Variants in OGA observed in about 807,000 individuals in gnomAD.
The protein encoded by OGA is protein O-GlcNAcase.
A neutral mutation model predicts 102.0 loss-of-function variants in OGA; 21 were observed. That is an observed-to-expected ratio of 0.21 (90% CI 0.15 to 0.30). The LOEUF (loss-of-function observed/expected upper bound fraction) is 0.30, where lower values mean the gene tolerates loss of function less well. OGA is among the 10% of genes least tolerant of loss of function. The pLI is 1.00. For missense variants in OGA, 765 were observed against 1,107.8 expected (o/e 0.69, Z 4.39); for synonymous variants, 408 against 378.2 (o/e 1.08, Z -0.91).
chr10:101,795,996 G>T, intron 10 of OGA: 1 of 592,742 alleles, frequency 1.7e-6, no homozygotes, highest in Non-Finnish European at 2.1e-6. Context: ...AAACAATACT[G>T]TGTATCATTA....
chr10:101,813,173 T>C (rs371522047), intron 2 of OGA, 46 bp from the exon 3 acceptor site: 3 of 1,236,496 alleles, frequency 2.4e-6, no homozygotes, highest in African/African-American at 3.0e-5. Flanking sequence ...GCAACATTCA[T>C]AGGCTGTCAA....
chr10:101,816,230 T>C (rs1303800136), intron 1 of OGA, among the ~76,000 whole-genome samples: 1 of 152,066 alleles, frequency 6.6e-6, no homozygotes, highest in African/African-American at 2.4e-5. Context: ...GCCACTGCAC[T>C]CCAGCCTGGG....
chr10:101,800,315 A>AT lies in OGA; in HGVS notation c.1121dup (p.Tyr374Ter). The AT allele has an allele frequency of 6.2e-7, 1 of 1,613,620 alleles. No individual in the cohort carries two copies. The highest frequency in any genetic ancestry group is 8.5e-7 in the Non-Finnish European group (1 of 1,179,476). Reference protein sequence around the residue: ...SDEDIETDVLYSPQMALKLAL... With the variant: ...SDEDIETDVL ...CTAGCTTTAGAGCCATCTGTGGACTATAGAGTACATCAGTTTCAATATCTT... is the reference window on the plus strand; with the variant it reads ...CTAGCTTTAGAGCCATCTGTGGACTATTAGAGTACATCAGTTTCAATATCTT... Residue 374 changes from tyrosine to a stop codon, truncating the protein, a stop_gained and frameshift_variant, in exon 8 of 16, where the codon TAT becomes TAAT. Coordinates refer to ENST00000361464, the MANE Select transcript of OGA (RefSeq NM_012215.5). LOFTEE classifies it high-confidence loss of function.
At position 101,810,265 on chromosome 10, in the gene OGA, G is replaced by T; in HGVS notation, c.399C>A (p.Phe133Leu). ...CCAATCCAGGTGAGATCGCATAGAT[G>T]AACTCTATCTCATATTCTCGTGCAG... is the stretch of plus-strand genomic sequence containing the variant. ...ISAAREYEIE[F>L]IYAISPGLDI... The change falls in exon 4 of 16, where the codon TTC (phenylalanine) becomes TTA (leucine). Residue 133 changes from phenylalanine (F) to leucine (L), a missense_variant. Physicochemically the swap from Phe to Leu is conservative, Grantham distance 22. Coordinates refer to ENST00000361464, the MANE Select transcript of OGA (RefSeq NM_012215.5). 1.2e-6 allele frequency: 2 copies of T among 1,611,470 alleles called. No homozygotes were observed. Among genetic ancestry groups the T allele is most frequent in the South Asian group, 1.1e-5 (1 of 90,992 alleles).
In OGA at chr10:101,809,203, G is replaced by A. The variant is rs1403791981; in HGVS notation, c.480+981C>T. Among the ~76,000 whole-genome samples the A allele has an allele frequency of 5.3e-5, 8 of 152,162 alleles. No individual in the cohort carries two copies. The South Asian group carries it at 1.0e-3, about 20-fold the overall frequency. On this transcript the variant is annotated intron_variant, in intron 4 of 15. Transcript: ENST00000361464. ...GTAAATTCAAGCCAAGCAGCCTAGG[G>A]TATATATAATTTCTCAAAATGTGGT... is the stretch of plus-strand genomic sequence containing the variant.
At chr10:101,814,300 C>A (rs762255170) in intron 1 of OGA, among the ~76,000 whole-genome samples, 1 of 152,068 alleles carries the variant, frequency 6.6e-6, no homozygotes, top group Non-Finnish European at 1.5e-5. Flanking sequence ...TGCACTACAG[C>A]CTGGGCTACA....
chr10:101,807,300 A>C (rs75823291), intron 5 of OGA, among the ~76,000 whole-genome samples: 8,764 of 152,286 alleles, frequency 0.058, 269 homozygotes, highest in African/African-American at 0.068. Context: ...AAAACTGTTA[A>C]GCTTTCTATG....
chr10:101,799,420 C>A lies in OGA; in HGVS notation c.1231G>T (p.Val411Leu), dbSNP rs764805316. The A allele has an allele frequency of 1.1e-5, 18 of 1,613,854 alleles. No individual in the cohort carries two copies. Among genetic ancestry groups the A allele is most frequent in the Non-Finnish European group, 1.4e-5 (17 of 1,179,896 alleles). The change falls in exon 9 of 16, where the codon GTA becomes TTA. Residue 411 changes from valine to leucine, a missense_variant. Val to Leu is a conservative substitution (Grantham distance 32, BLOSUM62 1). Coordinates refer to ENST00000361464, the MANE Select transcript of OGA (RefSeq NM_012215.5). ...GCAACTAAAGGAGTCCCATCAACTA[C>A]ACTTGCTTTAGCTCCACTGTGTGCA... Reference protein sequence around the residue: ...QVAHSGAKASVVDGTPLVAAP... With the variant: ...QVAHSGAKASLVDGTPLVAAP...
rs967752537 is a variant in OGA at position 101,785,079 on chromosome 10, C to T, written c.*1372G>A. 18 of 152,192 alleles carry T rather than the reference C, an allele frequency of 1.2e-4. No homozygotes were observed. The highest frequency in any genetic ancestry group is 4.3e-4 in the African/African-American group (18 of 41,438). 9.4% of individuals were successfully genotyped at this position (152,192 alleles called of 1,614,324 possible). A position where few individuals can be genotyped will look rare whatever the true frequency, so the allele number is the denominator to read the frequency against. On this transcript the variant is annotated 3_prime_UTR_variant, in exon 16 of 16. Coordinates refer to ENST00000361464, the MANE Select transcript of OGA (RefSeq NM_012215.5). ...TTCTTTCTCTTTACCCCTCTCCCCT[C>T]ACTCAGCTCAAAGTTAAACAGCTGA...
At chr10:101,813,259 T>C in intron 2 of OGA, 132 bp from the exon 3 acceptor site, 1 of 664,754 alleles carries the variant, frequency 1.5e-6, no homozygotes. Context: ...TTTAACCTTT[T>C]TGTAATCAGT....
chr10:101,784,541 G>T lies in OGA; in HGVS notation c.*1910C>A, dbSNP rs1349774093. 7.9e-5 allele frequency: 12 copies of T among 152,620 alleles called. No homozygotes were observed. Among genetic ancestry groups the T allele is most frequent in the Non-Finnish European group, 1.2e-4 (8 of 68,046 alleles). 9.5% of individuals were successfully genotyped at this position (152,620 alleles called of 1,614,324 possible). On this transcript the variant is annotated 3_prime_UTR_variant, in exon 16 of 16. Coordinates refer to ENST00000361464, the MANE Select transcript of OGA (RefSeq NM_012215.5). ...TCTGATCCAAACAATCAATAAAAAT[G>T]TAATTCCAACCTTAATATTCATAAC...
chr10:101,793,306 G>A, intron 11 of OGA, among the ~76,000 whole-genome samples: 1 of 152,192 alleles, frequency 6.6e-6, no homozygotes, highest in Non-Finnish European at 1.5e-5. Context: ...CAGAATGTCA[G>A]GAGGAGAGGT....
chr10:101,806,253 AGTG>A, intron 5 of OGA, 110 bp from the exon 6 acceptor site: 1 of 634,468 alleles, frequency 1.6e-6, no homozygotes, highest in Non-Finnish European at 2.8e-6. Flanking sequence ...CCCAGGCTAG[AGTG>A]CAGTGGCACG....
In OGA at chr10:101,818,370, C is replaced by T; in HGVS notation, c.-348G>A. ...TGCTGCCCTCCCGATAATCTTAGGT[C>T]TTCCGCTGTTTCCCCTCCAAGCCCC... is the stretch of plus-strand genomic sequence containing the variant. On this transcript the variant is annotated 5_prime_UTR_variant, in exon 1 of 16. Transcript: ENST00000361464. The T allele has an allele frequency of 9.4e-7, 1 of 1,062,266 alleles. No individual in the cohort carries two copies. The highest frequency in any genetic ancestry group is 1.1e-6 in the Non-Finnish European group (1 of 878,162). 65.8% of individuals were successfully genotyped at this position (1,062,266 alleles called of 1,614,324 possible).
chr10:101,793,008 T>C, intron 11 of OGA, 65 bp from the exon 12 acceptor site: 1 of 1,277,972 alleles, frequency 7.8e-7, no homozygotes. Context: ...TAAATGGGTG[T>C]GCACTGCAGA....
At chr10:101,812,195 A>C (rs2065567082) in intron 3 of OGA, among the ~76,000 whole-genome samples, 1 of 152,214 alleles carries the variant, frequency 6.6e-6, no homozygotes, top group Non-Finnish European at 1.5e-5. Flanking sequence ...TGGCGGTTCA[A>C]TGCTATACTA....
rs193135084 is a variant in OGA, at chr10:101,792,230, G to A, written c.2175+609C>T. Reference sequence around the variant, plus strand: ...AGAGACAAGGTTTCACCATGGTCTCGATCTCCTGACCTCGTGATCCGCCTG... The same window carrying A: ...AGAGACAAGGTTTCACCATGGTCTCAATCTCCTGACCTCGTGATCCGCCTG... On this transcript the variant is annotated intron_variant, in intron 12 of 15. Transcript: ENST00000361464. Among the ~76,000 whole-genome samples, 587 of 151,774 alleles carry A rather than the reference G, an allele frequency of 3.9e-3. 2 individuals are homozygous for A. Among genetic ancestry groups the A allele is most frequent in the Non-Finnish European group, 6.6e-3 (446 of 67,898 alleles).
At chr10:101,812,993 C>T in intron 3 of OGA, 37 bp downstream of exon 3, 1 of 1,428,570 alleles carries the variant, frequency 7.0e-7, no homozygotes, top group Non-Finnish European at 9.8e-7. Context: ...GTTTTCTTCA[C>T]AGATTTTGAA....
intron 1 of OGA, among the ~76,000 whole-genome samples, chr10:101,815,029 C>T (rs1364275217): frequency 6.6e-6 from 1 of 152,114 alleles, no homozygotes; most frequent in Non-Finnish European, 1.5e-5. Flanking sequence ...CTCAAGAGTA[C>T]CATGAAGAAG....
Sources: gnomAD v4.1 joint callset for allele counts (sites outside exome capture counted in the v4.1 genomes callset) on GRCh38, gnomAD v4.1.1 for gene constraint, MANE v1.5 for transcripts, NCBI Gene and HGNC (gene_info 2026-07-23, HGNC 2026-07-21) for gene names.